The following RGS6 variants were observed in gnomAD, a reference collection of about 807,000 sequenced individuals.
RGS6 encodes regulator of G protein signaling 6.
RGS6 carries 30 observed loss-of-function variants against 78.5 expected under a neutral mutation model. That is an observed-to-expected ratio of 0.38 (90% CI 0.29 to 0.52). The LOEUF is 0.52. RGS6 is among the 20% of genes least tolerant of loss of function. The pLI is 0.85. For missense variants in RGS6, 495 were observed against 609.7 expected (o/e 0.81, Z 1.98); for synonymous variants, 206 against 206.0 (o/e 1.00, Z 0.00).
At chr14:72,626,473 A>G in the RGS6 span, among the ~76,000 whole-genome samples, 76 of 152,256 alleles carry the variant, frequency 5.0e-4, no homozygotes, top group African/African-American at 1.7e-3. Flanking sequence ...TACTTAATAT[A>G]TTCTGGAAAT....
chr14:72,200,644 C>A (rs527752896), intron 2 of RGS6, among the ~76,000 whole-genome samples: 1 of 151,806 alleles, frequency 6.6e-6, no homozygotes, highest in African/African-American at 2.4e-5. Context: ...AGTGACTGCA[C>A]GGCTCATTGC....
intron 2 of RGS6, among the ~76,000 whole-genome samples, chr14:72,341,148 A>C (rs1050185822): frequency 4.6e-5 from 7 of 151,548 alleles, no homozygotes; most frequent in Admixed American, 4.6e-4. Context: ...GCAGTTCCAC[A>C]GGCCGTACAG....
chr14:72,108,316 A>G (rs1241714406), intron 2 of RGS6, among the ~76,000 whole-genome samples: 2 of 152,026 alleles, frequency 1.3e-5, no homozygotes, highest in African/African-American at 2.4e-5. Flanking sequence ...ATTTTTTCTT[A>G]CAAGTCACAT....
intron 3 of RGS6, among the ~76,000 whole-genome samples, chr14:72,401,909 A>G (rs891902413): frequency 1.3e-5 from 2 of 152,230 alleles, no homozygotes; most frequent in Non-Finnish European, 2.9e-5. Flanking sequence ...ATGGCTCACT[A>G]AAGATATTTG....
chr14:72,122,812 T>C (rs186408091), intron 2 of RGS6, among the ~76,000 whole-genome samples: 8 of 151,532 alleles, frequency 5.3e-5, no homozygotes, highest in East Asian at 1.9e-4. Context: ...AGTTTAAATA[T>C]GGAAAAAAAA....
rs148483015 is a variant in RGS6, at chr14:72,418,099, T to C, written c.185-36429T>C. Among the ~76,000 whole-genome samples, 219 of 152,164 alleles carry C rather than the reference T, an allele frequency of 1.4e-3. 3 individuals carry two copies. Among genetic ancestry groups the C allele is most frequent in the East Asian group, 0.013 (68 of 5,184 alleles). On this transcript the variant is annotated intron_variant, in intron 3 of 17. Transcript: ENST00000553525. Reference sequence around the variant, plus strand: ...AAAAGCCACGGCCCATTTTACTAGATCTAGGTAGTATGGGAAAAGACCATG... The same window carrying C: ...AAAAGCCACGGCCCATTTTACTAGACCTAGGTAGTATGGGAAAAGACCATG...
intron 3 of RGS6, among the ~76,000 whole-genome samples, chr14:72,449,174 A>G (rs1007198030): frequency 6.6e-6 from 1 of 152,232 alleles, no homozygotes; most frequent in African/African-American, 2.4e-5. Flanking sequence ...GAGTTCACTC[A>G]TGGCAGGAAC....
At chr14:71,977,669 TGTA>T (rs2094208763) in intron 2 of RGS6, among the ~76,000 whole-genome samples, 1 of 150,666 alleles carries the variant, frequency 6.6e-6, no homozygotes. Flanking sequence ...ACTGTAGCCT[TGTA>T]GTATAGTTTG....
chr14:72,156,899 C>T (rs930515313), intron 2 of RGS6, among the ~76,000 whole-genome samples: 8 of 152,054 alleles, frequency 5.3e-5, no homozygotes, highest in Non-Finnish European at 7.4e-5. Flanking sequence ...GCAGGAAAAC[C>T]GACAGGAGTT....
chr14:72,566,629 T>TCTCACACACACA (rs1349119393), downstream of RGS6: 5 of 105,834 alleles, frequency 4.7e-5, no homozygotes, highest in African/African-American at 1.2e-4. Context: ...TTCCCCATTA[T>TCTCACACACACA]CACACACACA....
chr14:71,885,926 C>T, the RGS6 span, among the ~76,000 whole-genome samples: 1 of 151,396 alleles, frequency 6.6e-6, no homozygotes, highest in Non-Finnish European at 1.5e-5. Context: ...TTCTTTCCCT[C>T]CCTCCCACTC....
chr14:72,090,543 A>G (rs1231550387), intron 2 of RGS6, among the ~76,000 whole-genome samples: 1 of 152,216 alleles, frequency 6.6e-6, no homozygotes, highest in Non-Finnish European at 1.5e-5. Flanking sequence ...TATGATTACA[A>G]TAAATGTAAC....
the RGS6 span, among the ~76,000 whole-genome samples, chr14:72,610,713 C>G: frequency 1.3e-5 from 2 of 152,184 alleles, no homozygotes; most frequent in Non-Finnish European, 2.9e-5. Flanking sequence ...CGCTCAAGGG[C>G]AGGTGGGAGA....
At chr14:72,533,691 T>C (rs2097210503) in intron 15 of RGS6, among the ~76,000 whole-genome samples, 1 of 152,232 alleles carries the variant, frequency 6.6e-6, no homozygotes, top group South Asian at 2.1e-4. Context: ...CCCTCATGGA[T>C]GACTTTGAGA....
At chr14:72,358,801 C>T (rs993589586) in intron 3 of RGS6, among the ~76,000 whole-genome samples, 1 of 152,124 alleles carries the variant, frequency 6.6e-6, no homozygotes, top group Non-Finnish European at 1.5e-5. Context: ...GTTGGGAAGG[C>T]ATCATTGTGT....
intron 2 of RGS6, among the ~76,000 whole-genome samples, chr14:72,192,077 A>T (rs928528146): frequency 3.9e-5 from 6 of 152,204 alleles, no homozygotes; most frequent in Non-Finnish European, 7.3e-5. Context: ...TATAAGCTCC[A>T]TGAGGGCAGG....
intron 17 of RGS6, among the ~76,000 whole-genome samples, chr14:72,554,631 C>T (rs1013597333): frequency 3.3e-5 from 5 of 152,100 alleles, no homozygotes; most frequent in African/African-American, 4.8e-5. Context: ...GGCATGCCAC[C>T]GAGAGGCCTT....
the RGS6 span, among the ~76,000 whole-genome samples, chr14:72,594,043 A>G: frequency 6.6e-6 from 1 of 152,136 alleles, no homozygotes; most frequent in African/African-American, 2.4e-5. Context: ...CTCCCAGGAC[A>G]GTCATTTCTA....
chr14:72,359,653 A>G (rs1378926628), intron 3 of RGS6, among the ~76,000 whole-genome samples: 1 of 152,182 alleles, frequency 6.6e-6, no homozygotes, highest in East Asian at 1.9e-4. Flanking sequence ...CAATCTATAG[A>G]TGTGAGGGAG....
Sources: gnomAD v4.1 joint callset for allele counts (sites outside exome capture counted in the v4.1 genomes callset) on GRCh38, gnomAD v4.1.1 for gene constraint, MANE v1.5 for transcripts, NCBI Gene and HGNC (gene_info 2026-07-23, HGNC 2026-07-21) for gene names.